The following COL11A1 variants were observed in gnomAD, a reference collection of about 807,000 sequenced individuals.
The protein encoded by COL11A1 is collagen alpha-1(XI) chain.
A neutral mutation model predicts 265.2 loss-of-function variants in COL11A1; 74 were observed. The ratio of observed to expected loss-of-function variants is 0.28; its 90% CI spans 0.23 to 0.34. The LOEUF (loss-of-function observed/expected upper bound fraction) is 0.34. COL11A1 is among the 10% of genes least tolerant of loss of function. COL11A1 has a pLI of 1.00. For missense variants in COL11A1, 2,165 were observed against 2,263.6 expected, an observed-to-expected ratio of 0.96 and a Z score of 0.88; for synonymous variants, 816 against 727.6, an observed-to-expected ratio of 1.12 and a Z score of -1.96.
intron 15 of COL11A1, among the ~76,000 whole-genome samples, chr1:103,007,142 C>T (rs1004983168): frequency 6.6e-6 from 1 of 152,218 alleles, no homozygotes; most frequent in Middle Eastern, 3.4e-3. Context: ...CCACTATACT[C>T]CTAAAATTTA....
At chr1:103,103,131 A>G (rs1021108156) in intron 1 of COL11A1, among the ~76,000 whole-genome samples, 34 of 152,072 alleles carry the variant, frequency 2.2e-4, no homozygotes, top group African/African-American at 7.7e-4. Context: ...TTGCACTACT[A>G]CGTTCTCTCC....
chr1:103,008,956 T>C (rs1379346677), intron 14 of COL11A1, among the ~76,000 whole-genome samples: 2 of 152,186 alleles, frequency 1.3e-5, no homozygotes, highest in Non-Finnish European at 2.9e-5. Flanking sequence ...ATATTCAGAT[T>C]TTTTTAGACT....
intron 37 of COL11A1, among the ~76,000 whole-genome samples, chr1:102,967,431 G>A (rs1252271785): frequency 2.0e-5 from 3 of 151,584 alleles, no homozygotes; most frequent in East Asian, 2.0e-4. Flanking sequence ...TAGTAGAGAC[G>A]GGGTTTCACC....
At chr1:102,973,385 G>C (rs191998697) in intron 36 of COL11A1, among the ~76,000 whole-genome samples, 12 of 151,944 alleles carry the variant, frequency 7.9e-5, no homozygotes, top group African/African-American at 2.9e-4. Flanking sequence ...GAAAAAGTCT[G>C]ATAAAAAAAT....
intron 1 of COL11A1, among the ~76,000 whole-genome samples, chr1:103,098,132 C>T (rs977914455): frequency 1.3e-5 from 2 of 151,806 alleles, no homozygotes; most frequent in Admixed American, 6.6e-5. Flanking sequence ...GACTTTAATA[C>T]TGAGAAGAGC....
chr1:103,025,823 C>T lies in COL11A1; in HGVS notation c.898-210G>A, dbSNP rs752735807. On this transcript the variant is annotated intron_variant, in intron 6 of 66. Transcript: ENST00000370096. ...ACCTTTACCCCTAGTTTGGCTTTTGCTGATGCTTGATAACTTTTCTTCTTC... is the reference window on the plus strand; with the variant it reads ...ACCTTTACCCCTAGTTTGGCTTTTGTTGATGCTTGATAACTTTTCTTCTTC... The T allele has an allele frequency of 1.9e-6, 3 of 1,613,250 alleles. No homozygotes were observed. In the South Asian group the frequency reaches 3.3e-5, roughly 18 times the overall value.
chr1:102,878,026 A>T lies in COL11A1; in HGVS notation c.5414T>A (p.Leu1805His), dbSNP rs779088327. 1.1e-5 allele frequency: 17 copies of T among 1,613,412 alleles called. No homozygotes were observed. Among genetic ancestry groups the T allele is most frequent in the Non-Finnish European group, 1.4e-5 (17 of 1,179,624 alleles). ...FGFEVGPVCFLG is the reference protein window; with the variant it reads ...FGFEVGPVCFHG ...ATGTTCTTTGTCTTAATCTTAGCCA[A>T]GAAAACAAACAGGACCAACTTCAAA... Residue 1805 changes from leucine to histidine, a missense_variant, in exon 67 of 67, where the codon CTT becomes CAT. Transcript: ENST00000370096.
chr1:102,977,449 TG>T (rs1276624872), intron 35 of COL11A1, among the ~76,000 whole-genome samples: 1 of 152,160 alleles, frequency 6.6e-6, no homozygotes, highest in Admixed American at 6.5e-5. Flanking sequence ...GTAATCATAC[TG>T]TTGGATGACA....
At chr1:102,907,597 T>C (rs1654140634) in intron 54 of COL11A1, among the ~76,000 whole-genome samples, 2 of 152,076 alleles carry the variant, frequency 1.3e-5, no homozygotes, top group Non-Finnish European at 2.9e-5. Flanking sequence ...ATGCTAAACA[T>C]ATCTGTAACA....
intron 64 of COL11A1, 64 bp downstream of exon 64, chr1:102,883,135 G>T: frequency 9.4e-7 from 1 of 1,058,910 alleles, no homozygotes; most frequent in Non-Finnish European, 1.5e-6. Flanking sequence ...TTCCTGTTTA[G>T]TTCAATATTG....
chr1:102,946,916 G>A lies in COL11A1; in HGVS notation c.3209C>T (p.Pro1070Leu). The change falls in exon 42 of 67, where the codon CCA becomes CTA. Residue 1070 changes from proline to leucine, a missense_variant. Pro to Leu is a moderately conservative substitution (Grantham distance 98, BLOSUM62 -3). Transcript: ENST00000370096. ...TCCCGGGCGCCCTGGTAAACCAATT[G>A]GGCCAGCTGTACCTGCTGACCCACG... ...GERGSAGTAG[P>L]IGLPGRPGPQ... The A allele has an allele frequency of 1.2e-6, 2 of 1,613,304 alleles. No individual in the cohort carries two copies. The highest frequency in any genetic ancestry group is 1.1e-5 in the South Asian group (1 of 90,854).
intron 46 of COL11A1, among the ~76,000 whole-genome samples, chr1:102,926,788 G>T (rs759992475): frequency 6.6e-6 from 1 of 152,016 alleles, no homozygotes; most frequent in Non-Finnish European, 1.5e-5. Context: ...ATAAAAAAAA[G>T]AAAATGAATA....
At chr1:103,100,879 A>G (rs1364972783) in intron 1 of COL11A1, among the ~76,000 whole-genome samples, 1 of 151,922 alleles carries the variant, frequency 6.6e-6, no homozygotes, top group Non-Finnish European at 1.5e-5. Context: ...TAAAATCAGT[A>G]TTTTGATATC....
At chr1:102,988,512 T>C (rs1387420097) in intron 29 of COL11A1, among the ~76,000 whole-genome samples, 1 of 152,168 alleles carries the variant, frequency 6.6e-6, no homozygotes, top group Non-Finnish European at 1.5e-5. Context: ...TACAAAAATA[T>C]ATTTGGAGAT....
chr1:103,036,347 T>C (rs1668370844), intron 4 of COL11A1, among the ~76,000 whole-genome samples: 1 of 126,336 alleles, frequency 7.9e-6, no homozygotes, highest in Non-Finnish European at 1.7e-5. Context: ...TATATATATA[T>C]ATATGATACT....
intron 29 of COL11A1, among the ~76,000 whole-genome samples, chr1:102,989,252 ATGTG>A (rs147165560): frequency 1.7e-4 from 25 of 149,454 alleles, no homozygotes; most frequent in African/African-American, 4.9e-4. Flanking sequence ...GTGTGTGTGC[ATGTG>A]TGTGTGTGTG....
At chr1:102,936,736 C>T (rs978383602) in intron 44 of COL11A1, among the ~76,000 whole-genome samples, 5 of 152,164 alleles carry the variant, frequency 3.3e-5, no homozygotes, top group South Asian at 2.1e-4. Context: ...TAGTCATCAA[C>T]GTGCAAGATA....
At chr1:102,994,062 A>G (rs1341743119) in intron 28 of COL11A1, among the ~76,000 whole-genome samples, 3 of 152,290 alleles carry the variant, frequency 2.0e-5, no homozygotes, top group East Asian at 3.9e-4. Flanking sequence ...CTTTTAGTAT[A>G]TAACAGTAGC....
intron 4 of COL11A1, among the ~76,000 whole-genome samples, chr1:103,044,234 G>A (rs1235474195): frequency 6.6e-6 from 1 of 151,198 alleles, no homozygotes; most frequent in Non-Finnish European, 1.5e-5. Flanking sequence ...TGTGGTAAAG[G>A]AAAGTTGCCA....
Sources: allele counts gnomAD v4.1 joint callset (sites outside exome capture counted in the v4.1 genomes callset), GRCh38; gene constraint gnomAD v4.1.1; transcripts MANE v1.5; gene names NCBI Gene and HGNC (gene_info 2026-07-23, HGNC 2026-07-21).